Variants in PALD1 observed in about 807,000 individuals in gnomAD.
PALD1 encodes phosphatase domain containing paladin 1.
In PALD1, 57 loss-of-function variants were observed where a neutral mutation model predicts 96.0. The ratio of observed to expected loss-of-function variants is 0.59; its 90% CI spans 0.48 to 0.74. The LOEUF (loss-of-function observed/expected upper bound fraction) is 0.74, where lower values mean the gene tolerates loss of function less well. PALD1 is among the 30% of genes least tolerant of loss of function. PALD1 has a pLI of 0.00. For synonymous variants in PALD1, 464 were observed against 473.6 expected (o/e 0.98, Z 0.26); for missense variants, 1,063 against 1,143.7 (o/e 0.93, Z 1.02).
intron 1 of PALD1, chr10:70,486,072 G>T: frequency 4.4e-6 from 1 of 225,342 alleles, no homozygotes. Flanking sequence ...TATGCCGATT[G>T]TTTAGGATTT....
chr10:70,565,769 C>A (rs916598927), intron 19 of PALD1, among the ~76,000 whole-genome samples: 1 of 152,098 alleles, frequency 6.6e-6, no homozygotes, highest in Non-Finnish European at 1.5e-5. Context: ...GCTTCCTCTG[C>A]GAGCCCCTGG....
At chr10:70,535,926 A>G (rs1847106582) in intron 10 of PALD1, among the ~76,000 whole-genome samples, 1 of 152,146 alleles carries the variant, frequency 6.6e-6, no homozygotes, top group African/African-American at 2.4e-5. Context: ...GGCCTCAAGC[A>G]GTCCTCCTGC....
intron 1 of PALD1, among the ~76,000 whole-genome samples, chr10:70,484,803 T>C (rs1845991012): frequency 6.6e-6 from 1 of 152,210 alleles, no homozygotes; most frequent in African/African-American, 2.4e-5. Flanking sequence ...CCTCCCAAAG[T>C]GCTGGGATTA....
the PALD1 span, among the ~76,000 whole-genome samples, chr10:70,461,207 C>T: frequency 6.6e-6 from 1 of 152,242 alleles, no homozygotes; most frequent in Non-Finnish European, 1.5e-5. Flanking sequence ...CTGCTGTCTC[C>T]TCTGGCTGGA....
At chr10:70,466,472 T>C in the PALD1 span, among the ~76,000 whole-genome samples, 1 of 152,208 alleles carries the variant, frequency 6.6e-6, no homozygotes, top group East Asian at 1.9e-4. Context: ...CTTGAACTCC[T>C]GACTTCGTGA....
chr10:70,504,733 C>T (rs1234230717), intron 1 of PALD1, among the ~76,000 whole-genome samples: 1 of 152,190 alleles, frequency 6.6e-6, no homozygotes, highest in East Asian at 1.9e-4. Flanking sequence ...TCATGCCTGC[C>T]TCTGCATTCA....
At chr10:70,565,862 G>A (rs1048118317) in intron 19 of PALD1, among the ~76,000 whole-genome samples, 2 of 152,128 alleles carry the variant, frequency 1.3e-5, no homozygotes, top group African/African-American at 2.4e-5. Flanking sequence ...GCCTGGGGCC[G>A]AGAGGAAGCT....
rs115208343 is a variant in PALD1 at position 70,549,089 on chromosome 10, G to A, written c.2262+1643G>A. Among the ~76,000 whole-genome samples, 1,219 of 151,940 alleles carry A rather than the reference G, an allele frequency of 8.0e-3. 13 individuals carry two copies. The highest frequency in any genetic ancestry group is 0.028 in the African/African-American group (1,148 of 41,380). On this transcript the variant is annotated intron_variant, in intron 18 of 19. Coordinates refer to ENST00000263563, the MANE Select transcript of PALD1 (RefSeq NM_014431.3). Reference sequence around the variant, plus strand: ...AAAAAGGTCTGTTAAATGTGGGGAGGGGAAGGTGGTTAAGGAGTTTCAGAA... The same window carrying A: ...AAAAAGGTCTGTTAAATGTGGGGAGAGGAAGGTGGTTAAGGAGTTTCAGAA...
chr10:70,526,941 A>G (rs1846881483), intron 2 of PALD1, among the ~76,000 whole-genome samples: 1 of 152,160 alleles, frequency 6.6e-6, no homozygotes, highest in Non-Finnish European at 1.5e-5. Flanking sequence ...GTCCTTCTGT[A>G]TAAGGAAACC....
chr10:70,553,170 C>T (rs1315761578), intron 18 of PALD1, among the ~76,000 whole-genome samples: 1 of 152,192 alleles, frequency 6.6e-6, no homozygotes, highest in Non-Finnish European at 1.5e-5. Flanking sequence ...TGCTGGCTCT[C>T]TCATTCCATC....
At chr10:70,487,630 A>G (rs1406081628) in intron 1 of PALD1, among the ~76,000 whole-genome samples, 1 of 151,956 alleles carries the variant, frequency 6.6e-6, no homozygotes, top group Non-Finnish European at 1.5e-5. Context: ...TATCACCCTA[A>G]AGGAAAACTC....
At chr10:70,561,877 C>T (rs1370055689) in intron 18 of PALD1, among the ~76,000 whole-genome samples, 1 of 152,238 alleles carries the variant, frequency 6.6e-6, no homozygotes, top group Non-Finnish European at 1.5e-5. Context: ...ACCTCACCCA[C>T]CCTAGATGTC....
intron 18 of PALD1, among the ~76,000 whole-genome samples, chr10:70,563,261 C>T (rs995813837): frequency 1.3e-5 from 2 of 152,164 alleles, no homozygotes; most frequent in African/African-American, 4.8e-5. Context: ...CTTGTCCCTC[C>T]TCATCCTCCC....
At position 70,558,573 on chromosome 10, in the gene PALD1, C is replaced by T. The variant is rs953648290; in HGVS notation, c.2263-5791C>T. ...CGGCAGGCAGCACACACATCAGGGC[C>T]GTGGTCTGTTGGACAGCGGGGTATC... is the stretch of plus-strand genomic sequence containing the variant. On this transcript the variant is annotated intron_variant, in intron 18 of 19. Coordinates refer to ENST00000263563, the MANE Select transcript of PALD1 (RefSeq NM_014431.3). Among the ~76,000 whole-genome samples the T allele has an allele frequency of 3.9e-5, 6 of 152,030 alleles. No homozygotes were observed. In the East Asian group the frequency reaches 5.8e-4, roughly 15 times the overall value.
the PALD1 span, among the ~76,000 whole-genome samples, chr10:70,463,757 G>A: frequency 6.6e-6 from 1 of 152,086 alleles, no homozygotes; most frequent in Non-Finnish European, 1.5e-5. Context: ...GAACTGAGTG[G>A]CCACCTCAGA....
Position 70,563,463 on chromosome 10 carries a change from G to T in PALD1, c.2263-901G>T, listed in dbSNP as rs1847781618. 5.3e-5 allele frequency among the ~76,000 whole-genome samples: 8 copies of T among 152,212 alleles called. No homozygotes were observed. In the South Asian group the frequency reaches 1.7e-3, roughly 31 times the overall value. On this transcript the variant is annotated intron_variant, in intron 18 of 19. Coordinates refer to ENST00000263563, the MANE Select transcript of PALD1 (RefSeq NM_014431.3). ...TCTCCGCCCCAGCACGTGGCCTGGT[G>T]CCATTTCCCATGAAGATGCTCAGGC... is the stretch of plus-strand genomic sequence containing the variant.
chr10:70,476,404 G>A (rs529547227), upstream of PALD1, among the ~76,000 whole-genome samples: 1 of 152,332 alleles, frequency 6.6e-6, no homozygotes, highest in Non-Finnish European at 1.5e-5. Context: ...GGGCAGATCT[G>A]ACTGAATCTT....
intron 1 of PALD1, among the ~76,000 whole-genome samples, chr10:70,493,208 C>A (rs1589172510): frequency 6.6e-6 from 1 of 152,326 alleles, no homozygotes; most frequent in Non-Finnish European, 1.5e-5. Flanking sequence ...CAACCTTGAA[C>A]TCCTGGGCTC....
chr10:70,538,290 C>T lies in PALD1; in HGVS notation c.1334C>T (p.Ala445Val). The T allele has an allele frequency of 6.2e-7, 1 of 1,602,768 alleles. No homozygotes were observed. Among genetic ancestry groups the T allele is most frequent in the Non-Finnish European group, 8.5e-7 (1 of 1,179,924 alleles). Reference sequence around the variant, plus strand: ...TGCCTCGGGCTGCAGTACCCGCTGGCCTTTGCCCTCAGTTTCAGCCGCTGG... The same window carrying T: ...TGCCTCGGGCTGCAGTACCCGCTGGTCTTTGCCCTCAGTTTCAGCCGCTGG... ...NYYLHEQYPL[A>V]FALSFSRWLC... Residue 445 changes from alanine (A) to valine (V), a missense_variant, in exon 12 of 20, where the codon GCC becomes GTC. By Grantham distance (64) the Ala-to-Val change is moderately conservative. Transcript: ENST00000263563.
Sources: gnomAD v4.1 joint callset for allele counts (sites outside exome capture counted in the v4.1 genomes callset) on GRCh38, gnomAD v4.1.1 for gene constraint, MANE v1.5 for transcripts, NCBI Gene and HGNC (gene_info 2026-07-23, HGNC 2026-07-21) for gene names.